Variants in TMCO5A observed in about 807,000 individuals in gnomAD.
TMCO5A encodes the protein transmembrane and coiled-coil domains 5A.
Under a neutral mutation model 42.3 loss-of-function variants are expected in TMCO5A, and 34 were observed. The ratio of observed to expected loss-of-function variants is 0.80; its 90% confidence interval spans 0.61 to 1.07. The LOEUF is 1.07. Ranked by LOEUF, TMCO5A falls within the 50% of genes least tolerant of loss-of-function variation. TMCO5A has a pLI of 0.00. For missense variants in TMCO5A, 357 were observed against 327.9 expected, an observed-to-expected ratio of 1.09 and a Z score of -0.69; for synonymous variants, 131 against 115.6, an observed-to-expected ratio of 1.13 and a Z score of -0.86.
chr15:37,955,943 A>C (rs1890278235), downstream of TMCO5A, among the ~76,000 whole-genome samples: 1 of 152,170 alleles, frequency 6.6e-6, no homozygotes, highest in Non-Finnish European at 1.5e-5. Flanking sequence ...TAAGAAAGTC[A>C]CTCAAAGCCA....
At chr15:38,006,705 A>G in the TMCO5A span, among the ~76,000 whole-genome samples, 1 of 152,178 alleles carries the variant, frequency 6.6e-6, no homozygotes, top group South Asian at 2.1e-4. Context: ...TCCCAACTCT[A>G]TGATCTCTTG....
chr15:37,968,582 CTTT>C (rs61091144), downstream of TMCO5A, among the ~76,000 whole-genome samples: 2 of 131,142 alleles, frequency 1.5e-5, no homozygotes, highest in African/African-American at 2.8e-5. Flanking sequence ...TTCTACATTT[CTTT>C]TTTTTTTTTT....
the TMCO5A span, among the ~76,000 whole-genome samples, chr15:38,039,527 A>G: frequency 6.6e-6 from 1 of 152,190 alleles, no homozygotes; most frequent in Non-Finnish European, 1.5e-5. Flanking sequence ...AGAGACTCCT[A>G]TATGAGTCAA....
At position 37,944,316 on chromosome 15, in the gene TMCO5A, C is replaced by T. The variant is rs1255688941; in HGVS notation, c.627+918C>T. 1.3e-4 allele frequency: 20 copies of T among 152,040 alleles called. 1 individual carries two copies. The allele number at this position is 152,040 out of a possible 1,614,324, so 9.4% of individuals were successfully genotyped here. On this transcript the variant is annotated intron_variant, in intron 10 of 11. Transcript: ENST00000319669. Reference sequence around the variant, plus strand: ...TTAACTCGACCCACTTCTGTAGAACCAAGTTTTTGACATCTCCAATGTGTC... The same window carrying T: ...TTAACTCGACCCACTTCTGTAGAACTAAGTTTTTGACATCTCCAATGTGTC...
In TMCO5A at chr15:37,942,177, G is replaced by C. The variant is rs116109449; in HGVS notation, c.505-14G>C. ...CTAAGTAGTAACTGTGGCTTTCTTT[G>C]TTTCTCTTTGAAGAAGTACCAGGAA... On this transcript the variant is annotated splice_polypyrimidine_tract_variant and intron_variant, in intron 8 of 11. Coordinates refer to ENST00000319669, the MANE Select transcript of TMCO5A (RefSeq NM_152453.4). The C allele has an allele frequency of 1.2e-6, 2 of 1,611,264 alleles. No homozygotes were observed. The highest frequency in any genetic ancestry group is 4.5e-5 in the East Asian group (2 of 44,800).
intron 9 of TMCO5A, 90 bp downstream of exon 9, chr15:37,942,345 T>C: frequency 1.6e-6 from 2 of 1,227,912 alleles, no homozygotes; most frequent in Non-Finnish European, 1.2e-6. Context: ...AATTTCTATT[T>C]GGAATTGAAT....
the TMCO5A span, among the ~76,000 whole-genome samples, chr15:37,974,844 A>G: frequency 0.2 from 30,792 of 151,944 alleles, 6,445 homozygotes; most frequent in African/African-American, 0.54. Flanking sequence ...GTTAGTTGCT[A>G]ATTTAAGATC....
rs1177093224 is a variant in TMCO5A, at chr15:37,951,336, T to C, written c.*102T>C. On this transcript the variant is annotated 3_prime_UTR_variant, in exon 12 of 12. Transcript: ENST00000319669. Reference sequence around the variant, plus strand: ...AGGAAAGAGATTTGCTTCAGTTTTTTCCTCACCGTTTGCCTGCTTGACTAC... The same window carrying C: ...AGGAAAGAGATTTGCTTCAGTTTTTCCCTCACCGTTTGCCTGCTTGACTAC... The C allele has an allele frequency of 2.5e-6, 3 of 1,193,808 alleles. No homozygotes were observed. The highest frequency in any genetic ancestry group is 3.0e-5 in the African/African-American group (2 of 66,036). 74.0% of individuals were successfully genotyped at this position (1,193,808 alleles called of 1,614,324 possible). A position where few individuals can be genotyped will look rare whatever the true frequency, so the allele number is the denominator to read the frequency against.
chr15:37,943,301 GCACTTTGTT>G, intron 9 of TMCO5A, 31 bp from the exon 10 acceptor site: 1 of 1,596,052 alleles, frequency 6.3e-7, no homozygotes, highest in Non-Finnish European at 8.6e-7. Flanking sequence ...ATATTTCAGT[GCACTTTGTT>G]CAATTTCTGT....
chr15:37,991,642 T>C, the TMCO5A span, among the ~76,000 whole-genome samples: 59 of 152,270 alleles, frequency 3.9e-4, no homozygotes, highest in Non-Finnish European at 7.2e-4. Flanking sequence ...AATAGTCTTA[T>C]CTTCAAGTTC....
chr15:37,967,848 G>A (rs1890592671), downstream of TMCO5A: 1 of 152,134 alleles, frequency 6.6e-6, no homozygotes, highest in African/African-American at 2.4e-5. Flanking sequence ...CACCAGCCAG[G>A]AGCCAACCTG....
chr15:37,959,728 T>A (rs548289849), intron 11 of TMCO5A, among the ~76,000 whole-genome samples: 26 of 152,142 alleles, frequency 1.7e-4, no homozygotes, highest in Admixed American at 1.2e-3. Flanking sequence ...ACAGCTAGTA[T>A]CATACTGAAT....
At chr15:37,949,642 T>G (rs1005216847) in intron 11 of TMCO5A, among the ~76,000 whole-genome samples, 2 of 151,834 alleles carry the variant, frequency 1.3e-5, no homozygotes, top group Non-Finnish European at 2.9e-5. Flanking sequence ...GTTATCTGTA[T>G]GAGATTGGAT....
the TMCO5A span, among the ~76,000 whole-genome samples, chr15:37,988,469 T>C: frequency 6.6e-6 from 1 of 152,044 alleles, no homozygotes; most frequent in African/African-American, 2.4e-5. Flanking sequence ...TTGAGTATGA[T>C]GTTTGCTGTG....
At chr15:38,037,778 G>C in the TMCO5A span, among the ~76,000 whole-genome samples, 2 of 152,170 alleles carry the variant, frequency 1.3e-5, no homozygotes, top group Admixed American at 1.3e-4. Flanking sequence ...AAGTTGGGAG[G>C]CCAAGGCAGG....
chr15:37,981,791 A>T, the TMCO5A span, among the ~76,000 whole-genome samples: 36 of 152,210 alleles, frequency 2.4e-4, no homozygotes, highest in Non-Finnish European at 3.1e-4. Flanking sequence ...ATTGTAGGGG[A>T]GATAAACGGC....
At chr15:37,987,808 AT>A in the TMCO5A span, among the ~76,000 whole-genome samples, 1 of 151,894 alleles carries the variant, frequency 6.6e-6, no homozygotes, top group Non-Finnish European at 1.5e-5. Context: ...TAAGCCTCCC[AT>A]CTTCTTTTTA....
chr15:37,936,660 A>T (rs1889524748), intron 3 of TMCO5A, among the ~76,000 whole-genome samples, 187 bp from the exon 4 acceptor site: 1 of 152,136 alleles, frequency 6.6e-6, no homozygotes, highest in Non-Finnish European at 1.5e-5. Flanking sequence ...TGGAGTTGAG[A>T]GAACACTGGG....
intron 11 of TMCO5A, among the ~76,000 whole-genome samples, chr15:37,949,898 G>T (rs1003077079): frequency 3.3e-5 from 5 of 152,096 alleles, no homozygotes; most frequent in African/African-American, 7.2e-5. Flanking sequence ...GACCAAAATT[G>T]CAGTCATTAA....
Sources: gnomAD v4.1 joint callset for allele counts (sites outside exome capture counted in the v4.1 genomes callset) on GRCh38, gnomAD v4.1.1 for gene constraint, MANE v1.5 for transcripts, NCBI Gene and HGNC (gene_info 2026-07-23, HGNC 2026-07-21) for gene names.